Variants in NELL1 observed in about 807,000 individuals in gnomAD.
The protein encoded by NELL1 is protein kinase C-binding protein NELL1.
Under a neutral mutation model 107.4 loss-of-function variants are expected in NELL1, and 76 were observed. The ratio of observed to expected loss-of-function variants is 0.71; its 90% CI spans 0.59 to 0.86. The LOEUF (loss-of-function observed/expected upper bound fraction) is 0.86. Among genes scored for constraint, NELL1 ranks in the 40% least tolerant of loss-of-function variants. NELL1 has a pLI of 0.00. For synonymous variants in NELL1, 353 were observed against 341.2 expected (o/e 1.03, Z -0.38); for missense variants, 1,024 against 1,005.5 (o/e 1.02, Z -0.25).
chr11:21,434,379 A>G (rs893175580), intron 15 of NELL1, among the ~76,000 whole-genome samples: 1 of 152,148 alleles, frequency 6.6e-6, no homozygotes, highest in Admixed American at 6.5e-5. Context: ...ATGGTGAGAT[A>G]TGGGGCTCTA....
Position 20,846,755 on chromosome 11 carries a change from C to T in NELL1, c.336-828C>T, listed in dbSNP as rs545858438. 9.9e-5 allele frequency among the ~76,000 whole-genome samples: 15 copies of T among 152,142 alleles called. No individual in the cohort carries two copies. The South Asian group carries it at 1.9e-3, about 19-fold the overall frequency. ...TATATGTGAAATACCTAGTGCAAGC[C>T]CTGGCAGTGAGATCAGGCCCAACGT... On this transcript the variant is annotated intron_variant, in intron 3 of 19. Coordinates refer to ENST00000357134, the MANE Select transcript of NELL1 (RefSeq NM_006157.5).
chr11:21,473,241 G>A (rs776747833), intron 15 of NELL1, among the ~76,000 whole-genome samples: 38 of 152,012 alleles, frequency 2.5e-4, no homozygotes, highest in African/African-American at 8.9e-4. Context: ...GGCAAATAAA[G>A]ATGAGAAATC....
chr11:20,673,204 T>C (rs1853963921), intron 1 of NELL1, among the ~76,000 whole-genome samples: 1 of 152,056 alleles, frequency 6.6e-6, no homozygotes, highest in Admixed American at 6.6e-5. Context: ...GGATCATTAA[T>C]TATGAATTGA....
chr11:21,445,220 G>A (rs1853392926), intron 15 of NELL1, among the ~76,000 whole-genome samples: 1 of 152,098 alleles, frequency 6.6e-6, no homozygotes, highest in African/African-American at 2.4e-5. Context: ...CACAATAGCA[G>A]TGTTATAATA....
intron 9 of NELL1, among the ~76,000 whole-genome samples, chr11:20,932,506 T>C (rs1365862180): frequency 6.6e-6 from 1 of 152,260 alleles, no homozygotes; most frequent in Non-Finnish European, 1.5e-5. Flanking sequence ...CAGTAATCCC[T>C]ACCGAGGTCC....
At chr11:20,882,518 A>G (rs1430843472) in intron 4 of NELL1, among the ~76,000 whole-genome samples, 3 of 152,230 alleles carry the variant, frequency 2.0e-5, no homozygotes, top group Non-Finnish European at 2.9e-5. Context: ...GAAGGAAGAG[A>G]AAGCGTGTAT....
chr11:21,263,801 G>T (rs1848582178), intron 14 of NELL1, among the ~76,000 whole-genome samples: 1 of 151,828 alleles, frequency 6.6e-6, no homozygotes, highest in South Asian at 2.1e-4. Flanking sequence ...AGCTTTTTCA[G>T]ATCTGAGAAA....
At chr11:20,719,852 A>G (rs12419078) in intron 2 of NELL1, among the ~76,000 whole-genome samples, 26,992 of 152,076 alleles carry the variant, frequency 0.18, 2,623 homozygotes, top group East Asian at 0.34. Flanking sequence ...CATACTCACA[A>G]TTAATTTTGA....
chr11:20,719,018 G>A (rs1369954033), intron 2 of NELL1, among the ~76,000 whole-genome samples: 7 of 152,200 alleles, frequency 4.6e-5, no homozygotes, highest in Admixed American at 2.0e-4. Flanking sequence ...TGAAGCAGGA[G>A]CTGGCCTCGA....
At chr11:21,415,101 T>A (rs1396903876) in intron 15 of NELL1, among the ~76,000 whole-genome samples, 1 of 152,128 alleles carries the variant, frequency 6.6e-6, no homozygotes, top group South Asian at 2.1e-4. Flanking sequence ...TTAAACTACC[T>A]GAAACTAGAG....
chr11:20,965,501 G>A lies in NELL1; in HGVS notation c.1300+4941G>A, dbSNP rs1851370615. 1.3e-5 allele frequency among the ~76,000 whole-genome samples: 2 copies of A among 152,122 alleles called. 1 individual carries two copies. The highest frequency in any genetic ancestry group is 4.1e-4 in the South Asian group (2 of 4,822). On this transcript the variant is annotated intron_variant, in intron 12 of 19. Transcript: ENST00000357134. ...AATACATTTAGATGGAAGGACTAGG[G>A]TTCATCAATTCTTCCAGGTGCATAT... is the stretch of plus-strand genomic sequence containing the variant.
rs865844773 is a variant in NELL1, at chr11:21,369,955, T to A, written c.1550-898T>A. Among the ~76,000 whole-genome samples, 3 of 152,250 alleles carry A rather than the reference T, an allele frequency of 2.0e-5. No homozygotes were observed. In the South Asian group the frequency reaches 6.2e-4, roughly 32 times the overall value. On this transcript the variant is annotated intron_variant, in intron 14 of 19. Coordinates refer to ENST00000357134, the MANE Select transcript of NELL1 (RefSeq NM_006157.5). ...GAGCATCTGCTATGTGAATACATAC[T>A]GAGGCTACAATACAGTGGTGAGTAA...
chr11:21,025,460 C>T (rs1852794403), intron 12 of NELL1, among the ~76,000 whole-genome samples: 1 of 151,286 alleles, frequency 6.6e-6, no homozygotes, highest in Non-Finnish European at 1.5e-5. Context: ...ACTTGTTTTG[C>T]TATACTAGAT....
At chr11:20,948,292 A>G (rs776786304) in intron 11 of NELL1, among the ~76,000 whole-genome samples, 6 of 151,926 alleles carry the variant, frequency 3.9e-5, no homozygotes, top group Non-Finnish European at 5.9e-5. Flanking sequence ...GCCTCAAGCA[A>G]TTCTCCTGTC....
chr11:21,140,538 A>G (rs1198697088), intron 13 of NELL1, among the ~76,000 whole-genome samples: 3 of 152,202 alleles, frequency 2.0e-5, no homozygotes, highest in East Asian at 1.9e-4. Context: ...TCTCTTGACC[A>G]TCACTAGCTT....
intron 15 of NELL1, among the ~76,000 whole-genome samples, chr11:21,420,534 C>A (rs1852639300): frequency 6.6e-6 from 1 of 152,054 alleles, no homozygotes; most frequent in Non-Finnish European, 1.5e-5. Context: ...GAGAAAGAAA[C>A]TTGGAAAGAC....
intron 15 of NELL1, among the ~76,000 whole-genome samples, chr11:21,522,926 G>GTGTATGAAGTGAA (rs1855765983): frequency 7.7e-6 from 1 of 129,650 alleles, no homozygotes; most frequent in Non-Finnish European, 1.6e-5. Context: ...CTTCATGCAA[G>GTGTATGAAGTGAA]CTCTGCCTCC....
chr11:20,721,050 G>A (rs1476160906), intron 2 of NELL1, among the ~76,000 whole-genome samples: 2 of 151,656 alleles, frequency 1.3e-5, no homozygotes, highest in Admixed American at 6.6e-5. Context: ...ATTTATTTAG[G>A]ATGACAGCTT....
chr11:21,540,965 CCTCTT>C (rs1856278164), intron 16 of NELL1, among the ~76,000 whole-genome samples: 1 of 151,986 alleles, frequency 6.6e-6, no homozygotes. Flanking sequence ...AAATTTCTCC[CCTCTT>C]ATTTGTCTTC....
Sources: gnomAD v4.1 joint callset for allele counts (sites outside exome capture counted in the v4.1 genomes callset) on GRCh38, gnomAD v4.1.1 for gene constraint, MANE v1.5 for transcripts, NCBI Gene and HGNC (gene_info 2026-07-23, HGNC 2026-07-21) for gene names.